The following DDX5 variants were observed in gnomAD, a reference collection of about 807,000 sequenced individuals.
DDX5 encodes DEAD-box helicase 5, also known as probable ATP-dependent RNA helicase DDX5.
DDX5 carries 6 observed loss-of-function variants against 68.6 expected under a neutral mutation model. The ratio of observed to expected loss-of-function variants is 0.09; its 90% CI spans 0.05 to 0.17. The LOEUF (loss-of-function observed/expected upper bound fraction) is 0.17, where lower values mean the gene tolerates loss of function less well. DDX5 is among the 10% of genes least tolerant of loss of function. DDX5 has a pLI of 1.00. For synonymous variants in DDX5, 350 were observed against 247.0 expected (o/e 1.42, Z -3.91); for missense variants, 499 against 756.1 (o/e 0.66, Z 3.99).
Position 64,500,906 on chromosome 17 carries a change from G to C in DDX5, c.1217-133C>G, listed in dbSNP as rs2038281647. On this transcript the variant is annotated intron_variant, in intron 11 of 12. Coordinates refer to ENST00000225792, the MANE Select transcript of DDX5 (RefSeq NM_004396.5). ...GGCTGCAAAAAATACAGTTAAAATG[G>C]TTATCCATTTCCTGTAGGAATACCA... The C allele has an allele frequency of 4.6e-6, 3 of 655,672 alleles. No individual in the cohort carries two copies. In the South Asian group the frequency reaches 5.6e-5, roughly 12 times the overall value. 40.6% of individuals were successfully genotyped at this position (655,672 alleles called of 1,614,324 possible).
chr17:64,500,370 A>G (rs782719617), intron 12 of DDX5, 44 bp from the exon 13 acceptor site: 19 of 1,570,168 alleles, frequency 1.2e-5, no homozygotes, highest in Non-Finnish European at 1.5e-5. Flanking sequence ...TGTCTATGAC[A>G]CAAATCATTG....
rs782767557 is a variant in DDX5, at chr17:64,502,510, C to T, written c.1023G>A (p.Glu341=). The change falls in exon 9 of 13, where the codon GAG becomes GAA. Residue 341 remains glutamate (E), a synonymous_variant. Transcript: ENST00000225792. ...TTTCCACAAAAACAATGGTTTTATTCTCCTTCTCACTCATGATCTCTTCCA... is the reference window on the plus strand; with the variant it reads ...TTTCCACAAAAACAATGGTTTTATTTTCCTTCTCACTCATGATCTCTTCCA... ...RLMEEIMSEK[E]NKTIVFVETK... is the part of the protein sequence containing the mutation. 6.2e-7 allele frequency: 1 copy of T among 1,613,430 alleles called. No individual in the cohort carries two copies. The highest frequency in any genetic ancestry group is 1.7e-5 in the Admixed American group (1 of 59,986).
intron 5 of DDX5, 58 bp from the exon 6 acceptor site, chr17:64,503,629 C>T: frequency 4.4e-6 from 7 of 1,594,174 alleles, no homozygotes; most frequent in Non-Finnish European, 6.0e-6. Flanking sequence ...AAACTGCTAA[C>T]TTATTATACT....
chr17:64,506,508 C>T (rs2038533895), upstream of DDX5: 9 of 804,242 alleles, frequency 1.1e-5, no homozygotes, highest in South Asian at 1.7e-4. Flanking sequence ...ACTCTCTTGA[C>T]CTCACCTTCT....
chr17:64,506,020 A>ATC, intron 1 of DDX5, 56 bp downstream of exon 1: 2 of 868,084 alleles, frequency 2.3e-6, no homozygotes, highest in Non-Finnish European at 1.7e-6. Flanking sequence ...CGCCACCCTG[A>ATC]CCCGCCCTCC....
chr17:64,498,508 C>A lies in DDX5; in HGVS notation c.*1415G>T, dbSNP rs1371142106. Reference sequence around the variant, plus strand: ...GTTTAAAACCATGAATTTGACTAACCATGCCATTGAAAACCATCCAGGTTA... The same window carrying A: ...GTTTAAAACCATGAATTTGACTAACAATGCCATTGAAAACCATCCAGGTTA... On this transcript the variant is annotated 3_prime_UTR_variant, in exon 13 of 13. Coordinates refer to ENST00000225792, the MANE Select transcript of DDX5 (RefSeq NM_004396.5). Among the ~76,000 whole-genome samples, 2 of 152,226 alleles carry A rather than the reference C, an allele frequency of 1.3e-5. No homozygotes were observed. The highest frequency in any genetic ancestry group is 4.8e-5 in the African/African-American group (2 of 41,454).
At chr17:64,505,312 A>C in intron 1 of DDX5, 1 of 363,164 alleles carries the variant, frequency 2.8e-6, no homozygotes, top group Non-Finnish European at 5.1e-6. Context: ...GCGATAACAG[A>C]ACAAGGGTTT....
chr17:64,505,265 A>G (rs544816964), intron 1 of DDX5: 4 of 262,670 alleles, frequency 1.5e-5, no homozygotes, highest in Admixed American at 9.8e-5. Context: ...TTTGGAACCA[A>G]ACAGCTTTAG....
At chr17:64,506,554 C>T (rs2038536767), upstream of DDX5, 1 of 495,250 alleles carries the variant, frequency 2.0e-6, no homozygotes, top group Non-Finnish European at 3.4e-6. Context: ...GCCACCCCGC[C>T]CTTTCCCAAG....
chr17:64,505,852 T>C, intron 1 of DDX5: 1 of 1,535,790 alleles, frequency 6.5e-7, no homozygotes, highest in Non-Finnish European at 8.7e-7. Context: ...CCCCGACAGC[T>C]CCCCAATCCC....
chr17:64,506,043 C>A (rs2038499260), intron 1 of DDX5, 33 bp downstream of exon 1: 1 of 1,558,030 alleles, frequency 6.4e-7, no homozygotes, highest in Non-Finnish European at 8.7e-7. Flanking sequence ...TCCCCCCACC[C>A]GCCAGGCCTG....
chr17:64,504,694 A>C lies in DDX5; in HGVS notation c.193T>G (p.Leu65Val). The C allele has an allele frequency of 6.2e-7, 1 of 1,613,242 alleles. No individual in the cohort carries two copies. Residue 65 changes from leucine to valine, a missense_variant, in exon 2 of 13, where the codon TTG (leucine) becomes GTG (valine). Around this residue, in one of 5 missense-constraint regions of DDX5, gnomAD observed 140 missense variants for 135.7 expected, o/e 1.03. Transcript: ENST00000225792. Reference protein sequence around the residue: ...EKNFYQEHPDLARRTAQEVET... With the variant: ...EKNFYQEHPDVARRTAQEVET... ...TTACTCACTGCTGTGCGCCTAGCCA[A>C]ATCAGGGTGCTCTTGATAAAAATTC...
chr17:64,505,872 A>C, intron 1 of DDX5: 2 of 1,536,026 alleles, frequency 1.3e-6, no homozygotes, highest in African/African-American at 1.4e-5. Context: ...CCACACAAAA[A>C]GCAAGCTTGA....
chr17:64,501,746 GAT>G (rs2038302191), intron 11 of DDX5: 1 of 548,256 alleles, frequency 1.8e-6, no homozygotes, highest in South Asian at 2.3e-5. Flanking sequence ...GGGCAGAGGT[GAT>G]ATGTTCTGCC....
At chr17:64,505,919 A>C in intron 1 of DDX5, 157 bp downstream of exon 1, 3 of 1,534,328 alleles carry the variant, frequency 2.0e-6, no homozygotes, top group South Asian at 1.2e-5. Flanking sequence ...AATCACTGTG[A>C]CGTGAATATC....
At chr17:64,505,228 T>C (rs2038421622) in intron 1 of DDX5, 1 of 253,160 alleles carries the variant, frequency 4.0e-6, no homozygotes, top group Non-Finnish European at 7.6e-6. Flanking sequence ...CCGAAGAGCA[T>C]CACGACGATG....
chr17:64,504,871 T>C (rs782291704), intron 1 of DDX5, 29 bp from the exon 2 acceptor site: 2 of 1,585,820 alleles, frequency 1.3e-6, no homozygotes, highest in South Asian at 2.3e-5. Flanking sequence ...TTATTCACAT[T>C]TTCAAATGGC....
chr17:64,505,443 G>A (rs901795316), intron 1 of DDX5: 6 of 555,640 alleles, frequency 1.1e-5, no homozygotes, highest in Admixed American at 6.3e-5. Context: ...GACTACCGGG[G>A]GAGGAGTCCC....
intron 6 of DDX5, 37 bp from the exon 7 acceptor site, chr17:64,503,385 G>GCACCAAT (rs1281854419): frequency 6.2e-7 from 1 of 1,613,810 alleles, no homozygotes; most frequent in Non-Finnish European, 8.5e-7. Flanking sequence ...ACAATACCTA[G>GCACCAAT]GATATTTAGC....
Sources: allele counts gnomAD v4.1 joint callset (sites outside exome capture counted in the v4.1 genomes callset), GRCh38; gene constraint gnomAD v4.1.1; regional missense constraint gnomAD v4.1.1; transcripts MANE v1.5; gene names NCBI Gene and HGNC (gene_info 2026-07-23, HGNC 2026-07-21).